The following PWWP2B variants were observed in gnomAD, a reference collection of about 807,000 sequenced individuals.
PWWP2B encodes the protein PWWP domain-containing protein 2B.
PWWP2B carries 9 observed loss-of-function variants against 15.5 expected under a neutral mutation model. That is an observed-to-expected ratio of 0.58 (90% CI 0.35 to 1.02). PWWP2B has a LOEUF of 1.02. Among genes scored for constraint, PWWP2B ranks in the 50% least tolerant of loss-of-function variants. PWWP2B has a pLI of 0.02. For synonymous variants in PWWP2B, 474 were observed against 403.6 expected (o/e 1.17, Z -2.09); for missense variants, 864 against 865.3 (o/e 1.00, Z 0.02).
chr10:132,416,678 G>A (rs1043445054), intron 2 of PWWP2B, among the ~76,000 whole-genome samples: 2 of 152,144 alleles, frequency 1.3e-5, no homozygotes, highest in Non-Finnish European at 2.9e-5. Context: ...CCGTCAGTGC[G>A]AGGCGAGGGT....
At chr10:132,408,001 G>T (rs1332595760) in intron 2 of PWWP2B, among the ~76,000 whole-genome samples, 2 of 152,232 alleles carry the variant, frequency 1.3e-5, no homozygotes, top group African/African-American at 4.8e-5. Flanking sequence ...TGCCCAGCCG[G>T]GAGGGAGGAC....
chr10:132,405,550 G>A lies in PWWP2B; in HGVS notation c.1050G>A (p.Arg350=), dbSNP rs1188742506. 1.2e-6 allele frequency: 2 copies of A among 1,605,410 alleles called. No individual in the cohort carries two copies. The highest frequency in any genetic ancestry group is 1.7e-6 in the Non-Finnish European group (2 of 1,179,004). Reference sequence around the variant, plus strand: ...ACAGCGAGCACGAGCCCGTGTACCGGGCCGAGCTGGTGGGGGAGCTGAACG... The same window carrying A: ...ACAGCGAGCACGAGCCCGTGTACCGAGCCGAGCTGGTGGGGGAGCTGAACG... ...LGDSEHEPVY[R]AELVGELNGY... is the part of the protein sequence containing the mutation. The change falls in exon 2 of 3, where the codon CGG becomes CGA. Residue 350 remains arginine, a synonymous_variant. Transcript: ENST00000305233.
At chr10:132,400,325 T>G (rs68069358) in intron 1 of PWWP2B, among the ~76,000 whole-genome samples, 1 of 151,264 alleles carries the variant, frequency 6.6e-6, no homozygotes, top group Non-Finnish European at 1.5e-5. Context: ...GTAAGGAGGG[T>G]GTGGGGTGGG....
Position 132,417,166 on chromosome 10 carries a change from G to A in PWWP2B, c.*122G>A. 1 of 1,499,420 alleles carries A rather than the reference G, an allele frequency of 6.7e-7. No individual in the cohort carries two copies. The highest frequency in any genetic ancestry group is 9.3e-7 in the Non-Finnish European group (1 of 1,078,380). The allele number at this position is 1,499,420 out of a possible 1,614,324, so 92.9% of individuals were successfully genotyped here. A position where few individuals can be genotyped will look rare whatever the true frequency, so the allele number is the denominator to read the frequency against. ...GCGTGCAGAGCCCACTGGGCACGGT[G>A]GTCGGCCTGGTGTGAGGCCCCCCGG... On this transcript the variant is annotated 3_prime_UTR_variant, in exon 3 of 3. Coordinates refer to ENST00000305233, the MANE Select transcript of PWWP2B (RefSeq NM_138499.4).
At chr10:132,397,642 T>C (rs951888171) in intron 1 of PWWP2B, among the ~76,000 whole-genome samples, 34 of 151,964 alleles carry the variant, frequency 2.2e-4, no homozygotes, top group African/African-American at 7.7e-4. Flanking sequence ...CCATAATTAA[T>C]GCACTTTTCT....
chr10:132,417,036 C>G (rs767511047), intron 2 of PWWP2B, 25 bp from the exon 3 acceptor site: 1 of 1,613,532 alleles, frequency 6.2e-7, no homozygotes, highest in East Asian at 2.2e-5. Context: ...AGTTAAATCT[C>G]TGCCCCTTTT....
intron 1 of PWWP2B, 73 bp from the exon 2 acceptor site, chr10:132,404,553 C>T: frequency 2.2e-6 from 3 of 1,351,204 alleles, no homozygotes; most frequent in Admixed American, 3.5e-5. Context: ...GGGGCCTTGG[C>T]TCTGGGGGCT....
intron 1 of PWWP2B, among the ~76,000 whole-genome samples, chr10:132,397,642 T>G (rs951888171): frequency 2.0e-5 from 3 of 151,852 alleles, no homozygotes; most frequent in African/African-American, 7.3e-5. Flanking sequence ...CCATAATTAA[T>G]GCACTTTTCT....
chr10:132,398,426 G>T (rs557752979), intron 1 of PWWP2B, among the ~76,000 whole-genome samples: 2 of 152,332 alleles, frequency 1.3e-5, no homozygotes, highest in African/African-American at 4.8e-5. Context: ...ATCGCCACCT[G>T]GGAGCTGCCA....
chr10:132,409,655 A>ACC (rs2069752177), intron 2 of PWWP2B, among the ~76,000 whole-genome samples: 1 of 53,506 alleles, frequency 1.9e-5, no homozygotes, highest in African/African-American at 7.9e-5. Flanking sequence ...CCACCCACCC[A>ACC]CACCTCTACT....
At chr10:132,398,964 C>T (rs2069575412) in intron 1 of PWWP2B, among the ~76,000 whole-genome samples, 1 of 113,406 alleles carries the variant, frequency 8.8e-6, no homozygotes, top group East Asian at 2.2e-4. Context: ...CCTGCCCCCT[C>T]CCTCATCTCC....
chr10:132,402,453 C>T (rs1044930257), intron 1 of PWWP2B, among the ~76,000 whole-genome samples: 3 of 152,268 alleles, frequency 2.0e-5, no homozygotes, highest in Non-Finnish European at 4.4e-5. Flanking sequence ...GCTCCCCCAA[C>T]AGCAAGGGGC....
chr10:132,416,207 G>A (rs1174492021), intron 2 of PWWP2B, among the ~76,000 whole-genome samples: 3 of 152,140 alleles, frequency 2.0e-5, no homozygotes, highest in Non-Finnish European at 4.4e-5. Context: ...CCCTGCTGTG[G>A]TCAGGCAGGG....
chr10:132,404,142 TG>T (rs1449514650), intron 1 of PWWP2B, among the ~76,000 whole-genome samples: 1 of 152,004 alleles, frequency 6.6e-6, no homozygotes, highest in Non-Finnish European at 1.5e-5. Flanking sequence ...AAGCGTTGCC[TG>T]GCCCTAGGGG....
At chr10:132,404,195 C>T (rs756190223) in intron 1 of PWWP2B, among the ~76,000 whole-genome samples, 5 of 152,278 alleles carry the variant, frequency 3.3e-5, no homozygotes, top group Non-Finnish European at 5.9e-5. Flanking sequence ...GAGGAGGGAA[C>T]GGCTGAGCCT....
chr10:132,399,729 C>T (rs2069590911), intron 1 of PWWP2B, among the ~76,000 whole-genome samples: 2 of 152,372 alleles, frequency 1.3e-5, no homozygotes, highest in African/African-American at 2.4e-5. Context: ...TCCAGAGCAT[C>T]GATGACACAA....
chr10:132,409,595 A>C (rs997878238), intron 2 of PWWP2B, among the ~76,000 whole-genome samples: 1 of 152,074 alleles, frequency 6.6e-6, no homozygotes, highest in Non-Finnish European at 1.5e-5. Context: ...TCCAGGCTCA[A>C]GGTCCTCTCT....
At position 132,397,251 on chromosome 10, in the gene PWWP2B, C is replaced by G; in HGVS notation, c.25C>G (p.Leu9Val). The change falls in exon 1 of 3, where the codon CTG (leucine) becomes GTG (valine). Residue 9 changes from leucine to valine, a missense_variant. Around this residue, in one of 2 missense-constraint regions of PWWP2B, gnomAD observed 736 missense variants for 687.7 expected, o/e 1.07. Transcript: ENST00000305233. MEPRAGCR[L>V]PVRVEQVVNG... ...CATGGAGCCGCGCGCCGGCTGCCGG[C>G]TGCCGGTGCGGGTGGAGCAGGTCGT... is the stretch of plus-strand genomic sequence containing the variant. The G allele has an allele frequency of 7.8e-7, 1 of 1,290,056 alleles. No homozygotes were observed. Among genetic ancestry groups the G allele is most frequent in the Non-Finnish European group, 9.9e-7 (1 of 1,010,724 alleles). 79.9% of individuals were successfully genotyped at this position (1,290,056 alleles called of 1,614,324 possible). A position where few individuals can be genotyped will look rare whatever the true frequency, so the allele number is the denominator to read the frequency against.
intron 2 of PWWP2B, among the ~76,000 whole-genome samples, chr10:132,412,041 C>G: frequency 6.6e-6 from 1 of 152,254 alleles, no homozygotes; most frequent in South Asian, 2.1e-4. Context: ...CCCGCCCTAC[C>G]TCCTGGCTCC....
Sources: allele counts gnomAD v4.1 joint callset (sites outside exome capture counted in the v4.1 genomes callset), GRCh38; gene constraint gnomAD v4.1.1; regional missense constraint gnomAD v4.1.1; transcripts MANE v1.5; gene names NCBI Gene and HGNC (gene_info 2026-07-23, HGNC 2026-07-21).